Variants in POTEH observed in about 807,000 individuals in gnomAD.
POTEH encodes ANKRD26-like family C member 3.
Under a neutral mutation model 41.7 loss-of-function variants are expected in POTEH, and 6 were observed. That is an observed-to-expected ratio of 0.14 (90% CI 0.08 to 0.28). The LOEUF (loss-of-function observed/expected upper bound fraction) is 0.28. Ranked by LOEUF, POTEH falls within the 10% of genes least tolerant of loss-of-function variation. The pLI, the probability that POTEH is intolerant of heterozygous loss-of-function variation, is 1.00. For synonymous variants in POTEH, 38 were observed against 179.9 expected (o/e 0.21, Z 6.31); for missense variants, 115 against 533.5 (o/e 0.22, Z 7.73).
chr22:15,711,039 G>GCC lies in POTEH; in HGVS notation c.1520+5_1520+6insCC. 6.3e-7 allele frequency: 1 copy of GCC among 1,583,436 alleles called. No homozygotes were observed. The highest frequency in any genetic ancestry group is 8.6e-7 in the Non-Finnish European group (1 of 1,166,982). The stretch of plus-strand genomic sequence containing the variant: ...TGAGAATGAACAGTATCACAGGTAA[G>GCC]TCTGTGGCAACATTGAACAGGAGAT... On this transcript the variant is annotated splice_donor_region_variant and intron_variant, in intron 9 of 10. Transcript: ENST00000343518.
At position 15,690,152 on chromosome 22, in the gene POTEH, C is replaced by A; in HGVS notation, c.75C>A (p.Gly25=). ...CATTTGGTCTCAGAAGCAAGATGGG[C>A]AAGTGGTGCCGCCACTGCTTCGCCT... ...KKPFGLRSKM[G]KWCRHCFAWC... is the part of the protein sequence containing the mutation. Residue 25 remains glycine, a synonymous_variant, in exon 1 of 11, where the codon GGC becomes GGA. Transcript: ENST00000343518. The A allele has an allele frequency of 2.2e-6, 3 of 1,387,938 alleles. 1 individual carries two copies. In the South Asian group the frequency reaches 3.5e-5, roughly 16 times the overall value. The allele number at this position is 1,387,938 out of a possible 1,614,324, so 86.0% of individuals were successfully genotyped here.
intron 9 of POTEH, among the ~76,000 whole-genome samples, chr22:15,713,509 T>G (rs1989863512): frequency 1.3e-5 from 2 of 152,370 alleles, no homozygotes; most frequent in South Asian, 4.1e-4. Context: ...ATGACATTTT[T>G]TTTTTTTTAA....
intron 1 of POTEH, among the ~76,000 whole-genome samples, chr22:15,692,001 TA>T (rs1989329780): frequency 8.1e-6 from 1 of 122,992 alleles, no homozygotes; most frequent in African/African-American, 3.0e-5. Flanking sequence ...TATATATATA[TA>T]TATATAAATT....
intron 9 of POTEH, among the ~76,000 whole-genome samples, chr22:15,712,725 C>A (rs1989846734): frequency 2.0e-5 from 2 of 98,190 alleles, no homozygotes; most frequent in African/African-American, 8.3e-5. Context: ...GCATTTCTCT[C>A]TCTTTATTCC....
At position 15,690,413 on chromosome 22, in the gene POTEH, C is replaced by T. The variant is rs201370755; in HGVS notation, c.336C>T (p.Ser112=). The T allele has an allele frequency of 6.4e-5, 90 of 1,399,452 alleles. 4 individuals carry two copies. The East Asian group carries it at 6.7e-4, about 10-fold the overall frequency. 86.7% of individuals were successfully genotyped at this position (1,399,452 alleles called of 1,614,324 possible). A position where few individuals can be genotyped will look rare whatever the true frequency, so the allele number is the denominator to read the frequency against. Residue 112 remains serine (S), a synonymous_variant, in exon 1 of 11, where the codon AGC becomes AGT. Transcript: ENST00000343518. Reference sequence around the variant, plus strand: ...ACTGCTTCCCCTGCTGCAGGGGGAGCGGCAAGAGCAACGTGGGCACTTCTG... The same window carrying T: ...ACTGCTTCCCCTGCTGCAGGGGGAGTGGCAAGAGCAACGTGGGCACTTCTG... ...CCHCFPCCRG[S]GKSNVGTSGD... is the part of the protein sequence containing the mutation.
intron 1 of POTEH, among the ~76,000 whole-genome samples, chr22:15,691,965 C>G (rs1989325538): frequency 7.2e-6 from 1 of 139,446 alleles, no homozygotes; most frequent in African/African-American, 2.5e-5. Flanking sequence ...AACACAAGTG[C>G]CTATTTACAT....
At position 15,691,481 on chromosome 22, in the gene POTEH, A is replaced by G. The variant is rs1394658668; in HGVS notation, c.632+772A>G. Among the ~76,000 whole-genome samples, 4 of 120,572 alleles carry G rather than the reference A, an allele frequency of 3.3e-5. 1 individual carries two copies. The highest frequency in any genetic ancestry group is 6.0e-5 in the African/African-American group (2 of 33,370). The allele number at this position is 120,572 out of a possible 152,430, so 79.1% of individuals were successfully genotyped here. A position where few individuals can be genotyped will look rare whatever the true frequency, so the allele number is the denominator to read the frequency against. On this transcript the variant is annotated intron_variant, in intron 1 of 10. Transcript: ENST00000343518. ...GCGGAGCTTGCAGTGAGCCGAGATCACGCCACTGTAGTAGAGCCTGGGAGA... is the reference window on the plus strand; with the variant it reads ...GCGGAGCTTGCAGTGAGCCGAGATCGCGCCACTGTAGTAGAGCCTGGGAGA...
chr22:15,691,636 GT>G (rs1989314431), intron 1 of POTEH, among the ~76,000 whole-genome samples: 1 of 143,764 alleles, frequency 7.0e-6, no homozygotes, highest in Admixed American at 7.2e-5. Flanking sequence ...TTTTATTATT[GT>G]GCTAAGTTAA....
intron 3 of POTEH, among the ~76,000 whole-genome samples, chr22:15,696,813 C>CT (rs1223525767): frequency 7.4e-6 from 1 of 134,498 alleles, no homozygotes; most frequent in African/African-American, 2.7e-5. Context: ...CTCTCTCCTA[C>CT]TCTTTACTCT....
chr22:15,709,102 A>T (rs1425569464), intron 7 of POTEH, among the ~76,000 whole-genome samples: 1 of 146,362 alleles, frequency 6.8e-6, no homozygotes, highest in Non-Finnish European at 1.5e-5. Flanking sequence ...ATAACATTCT[A>T]ATTTATTTCA....
chr22:15,693,360 C>T (rs1293410333), intron 1 of POTEH, among the ~76,000 whole-genome samples: 70 of 151,058 alleles, frequency 4.6e-4, no homozygotes, highest in African/African-American at 1.7e-3. Flanking sequence ...TTCTCACATT[C>T]TATTATTTAT....
chr22:15,713,798 C>T (rs1206430233), intron 9 of POTEH, among the ~76,000 whole-genome samples: 43 of 151,846 alleles, frequency 2.8e-4, no homozygotes, highest in Non-Finnish European at 3.3e-4. Flanking sequence ...CAGTGCCTGG[C>T]CCTTCATGAC....
intron 9 of POTEH, among the ~76,000 whole-genome samples, chr22:15,712,884 T>C (rs1989849313): frequency 6.7e-6 from 1 of 148,268 alleles, no homozygotes; most frequent in African/African-American, 2.5e-5. Context: ...TAAGCATGAA[T>C]GAACAAAATG....
intron 8 of POTEH, among the ~76,000 whole-genome samples, chr22:15,710,059 A>AG (rs1451039794): frequency 6.7e-6 from 1 of 148,206 alleles, no homozygotes; most frequent in African/African-American, 2.5e-5. Flanking sequence ...TAAAATGCTA[A>AG]GTAATGCCAC....
At chr22:15,714,158 C>G (rs4982906) in intron 9 of POTEH, among the ~76,000 whole-genome samples, 11,348 of 110,188 alleles carry the variant, frequency 0.1, no homozygotes, top group East Asian at 0.31. Context: ...CTCGTCAGGT[C>G]TACCTGAAGA....
At chr22:15,693,089 G>C (rs1354205311) in intron 1 of POTEH, among the ~76,000 whole-genome samples, 1 of 126,784 alleles carries the variant, frequency 7.9e-6, no homozygotes, top group Non-Finnish European at 1.8e-5. Context: ...GAGATATGTC[G>C]ACATGCAAAG....
rs1342685197 is a variant in POTEH at position 15,696,039 on chromosome 22, CT to C, written c.921+229del. Among the ~76,000 whole-genome samples, 3 of 57,066 alleles carry C rather than the reference CT, an allele frequency of 5.3e-5. 1 individual carries two copies. Among genetic ancestry groups the C allele is most frequent in the Non-Finnish European group, 7.5e-5 (2 of 26,698 alleles). 37.4% of individuals were successfully genotyped at this position (57,066 alleles called of 152,430 possible). On this transcript the variant is annotated intron_variant, in intron 3 of 10. Transcript: ENST00000343518. ...TTTTTTAATGCACTTGCGGTAAATA[CT>C]TTTTTTTGAAAACACTGAATTTGTA... is the stretch of plus-strand genomic sequence containing the variant.
At chr22:15,698,284 A>G (rs1989475164) in intron 3 of POTEH, among the ~76,000 whole-genome samples, 1 of 126,652 alleles carries the variant, frequency 7.9e-6, no homozygotes, top group Non-Finnish European at 1.6e-5. Context: ...TTTATACGCA[A>G]TTTATCTTAG....
At chr22:15,710,525 C>T (rs1188805466) in intron 8 of POTEH, among the ~76,000 whole-genome samples, 1 of 152,362 alleles carries the variant, frequency 6.6e-6, no homozygotes, top group East Asian at 1.9e-4. Flanking sequence ...TATGTGTTCC[C>T]ACCAGTCAAA....
Sources: gnomAD v4.1 joint callset for allele counts (sites outside exome capture counted in the v4.1 genomes callset) on GRCh38, gnomAD v4.1.1 for gene constraint, MANE v1.5 for transcripts, NCBI Gene and HGNC (gene_info 2026-07-23, HGNC 2026-07-21) for gene names.